NKAIN3: variants seen among roughly 807,000 people sequenced by gnomAD.
NKAIN3 encodes sodium/potassium transporting ATPase interacting 3, also known as sodium/potassium-transporting ATPase subunit beta-1-interacting protein 3.
In NKAIN3, 25 loss-of-function variants were observed where a neutral mutation model predicts 30.2. The ratio of observed to expected loss-of-function variants is 0.83; its 90% CI spans 0.60 to 1.16. The LOEUF (loss-of-function observed/expected upper bound fraction) is 1.16. NKAIN3 is among the 50% of genes most tolerant of loss of function. The pLI, the probability that NKAIN3 is intolerant of heterozygous loss-of-function variation, is 0.00. For synonymous variants in NKAIN3, 91 were observed against 89.6 expected (o/e 1.02, Z -0.09); for missense variants, 225 against 254.1 (o/e 0.89, Z 0.78).
chr8:62,281,373 C>G (rs71498609), intron 1 of NKAIN3, among the ~76,000 whole-genome samples: 158 of 152,170 alleles, frequency 1.0e-3, no homozygotes, highest in African/African-American at 3.7e-3. Flanking sequence ...GTCTCTATCT[C>G]CTTCAATTCT....
intron 1 of NKAIN3, among the ~76,000 whole-genome samples, chr8:62,566,619 C>A (rs1809757666): frequency 6.6e-6 from 1 of 152,082 alleles, no homozygotes; most frequent in Non-Finnish European, 1.5e-5. Flanking sequence ...TAAAATCTTT[C>A]TCTCCATCTA....
At chr8:62,690,471 C>G (rs1041954084) in intron 3 of NKAIN3, among the ~76,000 whole-genome samples, 1 of 152,206 alleles carries the variant, frequency 6.6e-6, no homozygotes, top group South Asian at 2.1e-4. Context: ...CGGAAGTACA[C>G]GCTACTATGC....
At chr8:62,792,229 G>C (rs1817719574) in intron 4 of NKAIN3, among the ~76,000 whole-genome samples, 1 of 151,780 alleles carries the variant, frequency 6.6e-6, no homozygotes, top group South Asian at 2.1e-4. Context: ...ACCTGAATAG[G>C]TCTCCCTTCC....
At position 62,290,040 on chromosome 8, in the gene NKAIN3, G is replaced by C. The variant is rs551313041; in HGVS notation, c.54+40913G>C. Among the ~76,000 whole-genome samples the C allele has an allele frequency of 9.1e-3, 1,379 of 152,162 alleles. 29 individuals are homozygous for C. The highest frequency in any genetic ancestry group is 0.031 in the African/African-American group (1,299 of 41,506). On this transcript the variant is annotated intron_variant, in intron 1 of 6. Coordinates refer to ENST00000623646, the MANE Select transcript of NKAIN3 (RefSeq NM_001304533.3). Reference sequence around the variant, plus strand: ...GAGTTCACTCATGATTTGGCTCTCTGTTTGTCTGTTATTGGTGTATAGGAA... The same window carrying C: ...GAGTTCACTCATGATTTGGCTCTCTCTTTGTCTGTTATTGGTGTATAGGAA...
At position 62,254,882 on chromosome 8, in the gene NKAIN3, G is replaced by A. The variant is rs1267471302; in HGVS notation, c.54+5755G>A. On this transcript the variant is annotated intron_variant, in intron 1 of 6. Transcript: ENST00000623646. ...TTAAATTAGCGTTAACATTAATACA[G>A]TCAACATGGATTAGTTGTAATAAAT... Among the ~76,000 whole-genome samples the A allele has an allele frequency of 2.6e-5, 4 of 152,150 alleles. No homozygotes were observed. The East Asian group carries it at 7.7e-4, about 29-fold the overall frequency.
chr8:62,986,438 A>G (rs928063619), downstream of NKAIN3, among the ~76,000 whole-genome samples: 3 of 152,110 alleles, frequency 2.0e-5, no homozygotes, highest in Admixed American at 6.6e-5. Context: ...CCCCATATGT[A>G]AGTTCCCTCA....
At chr8:62,855,749 G>A in intron 4 of NKAIN3, 2 of 1,375,872 alleles carry the variant, frequency 1.5e-6, no homozygotes, top group Admixed American at 1.7e-5. Flanking sequence ...CTGCTCTGGA[G>A]TTGCCATGAC....
At chr8:62,722,433 C>T (rs1815121919) in intron 3 of NKAIN3, among the ~76,000 whole-genome samples, 1 of 152,118 alleles carries the variant, frequency 6.6e-6, no homozygotes, top group Non-Finnish European at 1.5e-5. Context: ...ATTATCATTC[C>T]TCCCAACAAA....
chr8:62,777,769 T>C (rs1006823734), intron 4 of NKAIN3, among the ~76,000 whole-genome samples: 1 of 152,142 alleles, frequency 6.6e-6, no homozygotes, highest in Non-Finnish European at 1.5e-5. Flanking sequence ...TTCATCAGTG[T>C]CTGGGCATAG....
intron 1 of NKAIN3, among the ~76,000 whole-genome samples, chr8:62,260,858 C>G (rs1812417611): frequency 6.6e-6 from 1 of 151,462 alleles, no homozygotes; most frequent in Admixed American, 6.6e-5. Flanking sequence ...ATACTGTTAT[C>G]TCTGCTCTGG....
chr8:62,868,145 T>C (rs1298939371), intron 4 of NKAIN3, among the ~76,000 whole-genome samples: 1 of 152,142 alleles, frequency 6.6e-6, no homozygotes, highest in Admixed American at 6.5e-5. Context: ...GAAGTATGAC[T>C]GTTAGAAAAG....
intron 4 of NKAIN3, among the ~76,000 whole-genome samples, chr8:62,802,907 A>G (rs1218855689): frequency 1.3e-5 from 2 of 152,200 alleles, no homozygotes; most frequent in Admixed American, 6.5e-5. Flanking sequence ...TCAAAATAAA[A>G]GTATGGAGGA....
chr8:62,713,107 G>T (rs7008374), intron 3 of NKAIN3, among the ~76,000 whole-genome samples: 27,198 of 152,138 alleles, frequency 0.18, 2,623 homozygotes, highest in East Asian at 0.38. Context: ...GGAGCAGTCT[G>T]CTTCCTTCAG....
chr8:62,258,044 TA>T (rs2129388537), intron 1 of NKAIN3, among the ~76,000 whole-genome samples: 1 of 152,266 alleles, frequency 6.6e-6, no homozygotes, highest in Admixed American at 6.5e-5. Flanking sequence ...TATTTTATTT[TA>T]TTTTTTTACC....
At chr8:62,292,959 T>C (rs1813699870) in intron 1 of NKAIN3, among the ~76,000 whole-genome samples, 1 of 152,168 alleles carries the variant, frequency 6.6e-6, no homozygotes, top group African/African-American at 2.4e-5. Context: ...AAACTTGTCT[T>C]CTCACTTCAT....
chr8:62,902,225 G>C (rs1301536152), intron 4 of NKAIN3, among the ~76,000 whole-genome samples: 1 of 152,136 alleles, frequency 6.6e-6, no homozygotes, highest in South Asian at 2.1e-4. Context: ...AAATACTGAG[G>C]GTGCCCCAAA....
chr8:62,495,130 C>G lies in NKAIN3; in HGVS notation c.55-84409C>G, dbSNP rs186602422. ...CCATCTTCATATCTAGCTGCAGCAGCTGTAGTTCACACTCTTTGCTTGCCA... is the reference window on the plus strand; with the variant it reads ...CCATCTTCATATCTAGCTGCAGCAGGTGTAGTTCACACTCTTTGCTTGCCA... On this transcript the variant is annotated intron_variant, in intron 1 of 6. Transcript: ENST00000623646. 2.1e-3 allele frequency among the ~76,000 whole-genome samples: 314 copies of G among 152,208 alleles called. 1 individual carries two copies. The highest frequency in any genetic ancestry group is 7.2e-3 in the African/African-American group (298 of 41,546).
intron 1 of NKAIN3, among the ~76,000 whole-genome samples, chr8:62,504,883 C>G (rs533274617): frequency 7.2e-5 from 11 of 152,268 alleles, no homozygotes; most frequent in African/African-American, 2.2e-4. Context: ...AACAAGCTAT[C>G]CAGGTTAATG....
chr8:62,931,882 T>C (rs1252715418), intron 5 of NKAIN3, among the ~76,000 whole-genome samples: 1 of 152,212 alleles, frequency 6.6e-6, no homozygotes, highest in East Asian at 1.9e-4. Flanking sequence ...TTTGCTTCTT[T>C]TAATCATATT....
Sources: allele counts gnomAD v4.1 joint callset (sites outside exome capture counted in the v4.1 genomes callset), GRCh38; gene constraint gnomAD v4.1.1; transcripts MANE v1.5; gene names NCBI Gene and HGNC (gene_info 2026-07-23, HGNC 2026-07-21).